The following TRAPPC9 variants were observed in gnomAD, a reference collection of about 807,000 sequenced individuals.
The protein encoded by TRAPPC9 is trafficking protein particle complex subunit 9.
Under a neutral mutation model 124.0 loss-of-function variants are expected in TRAPPC9, and 83 were observed. That is an observed-to-expected ratio of 0.67 (90% CI 0.56 to 0.80). The LOEUF (loss-of-function observed/expected upper bound fraction) is 0.80. Among genes scored for constraint, TRAPPC9 ranks in the 30% least tolerant of loss-of-function variants. The pLI is 0.00. For synonymous variants in TRAPPC9, 638 were observed against 617.5 expected (o/e 1.03, Z -0.49); for missense variants, 1,302 against 1,508.3 (o/e 0.86, Z 2.27).
intron 17 of TRAPPC9, among the ~76,000 whole-genome samples, chr8:140,048,443 T>G (rs1453163501): frequency 6.6e-6 from 1 of 152,000 alleles, no homozygotes; most frequent in Non-Finnish European, 1.5e-5. Context: ...GGGCAACATT[T>G]CTGGACAATA....
intron 21 of TRAPPC9, among the ~76,000 whole-genome samples, chr8:139,841,656 G>C (rs1489184299): frequency 6.6e-6 from 1 of 152,234 alleles, no homozygotes; most frequent in Non-Finnish European, 1.5e-5. Context: ...GCACCTCATG[G>C]ATGCAGGAGC....
intron 7 of TRAPPC9, among the ~76,000 whole-genome samples, chr8:140,375,257 T>C (rs906241888): frequency 6.6e-6 from 1 of 152,226 alleles, no homozygotes; most frequent in South Asian, 2.1e-4. Context: ...ATCTTTGTTC[T>C]AATCTTTCAA....
At chr8:140,089,015 C>T (rs1844393657) in intron 17 of TRAPPC9, among the ~76,000 whole-genome samples, 1 of 152,086 alleles carries the variant, frequency 6.6e-6, no homozygotes, top group Admixed American at 6.6e-5. Flanking sequence ...TTCTCTAGAC[C>T]CTTCTGCTGT....
intron 17 of TRAPPC9, among the ~76,000 whole-genome samples, chr8:140,165,755 A>G (rs980060161): frequency 2.6e-5 from 4 of 152,136 alleles, no homozygotes; most frequent in African/African-American, 9.7e-5. Context: ...TCTGCAAGGC[A>G]GGAGCAGAGC....
At chr8:139,849,464 T>G (rs2130923588) in intron 21 of TRAPPC9, among the ~76,000 whole-genome samples, 1 of 152,352 alleles carries the variant, frequency 6.6e-6, no homozygotes, top group African/African-American at 2.4e-5. Flanking sequence ...CTCCTTCTGG[T>G]TCTGCATTTT....
chr8:139,950,912 G>A (rs1442266036), intron 19 of TRAPPC9, among the ~76,000 whole-genome samples: 1 of 152,190 alleles, frequency 6.6e-6, no homozygotes, highest in Admixed American at 6.5e-5. Context: ...GCGGCAGGGA[G>A]GGAGCCGCAC....
At position 140,442,400 on chromosome 8, in the gene TRAPPC9, C is replaced by G. The variant is rs563330602; in HGVS notation, c.585-3203G>C. 9.9e-5 allele frequency among the ~76,000 whole-genome samples: 15 copies of G among 151,878 alleles called. No homozygotes were observed. The South Asian group carries it at 3.1e-3, about 32-fold the overall frequency. ...GGATCACAAGGTCAGGAGATTGAGA[C>G]CATCCTGGCTAACACGGCAAAACCC... On this transcript the variant is annotated intron_variant, in intron 2 of 22. Coordinates refer to ENST00000438773, the MANE Select transcript of TRAPPC9 (RefSeq NM_001160372.4).
At chr8:140,299,869 T>C (rs1023831737) in intron 11 of TRAPPC9, among the ~76,000 whole-genome samples, 2 of 152,156 alleles carry the variant, frequency 1.3e-5, no homozygotes, top group African/African-American at 4.8e-5. Flanking sequence ...ACTATCCTGA[T>C]CACCTGTGTT....
intron 21 of TRAPPC9, among the ~76,000 whole-genome samples, chr8:139,798,585 C>A (rs192691549): frequency 1.1e-3 from 171 of 152,210 alleles, no homozygotes; most frequent in African/African-American, 4.1e-3. Flanking sequence ...AGGGTGTGGC[C>A]CAAGGTGTGG....
At chr8:140,345,417 C>T (rs769881297) in intron 9 of TRAPPC9, among the ~76,000 whole-genome samples, 9 of 152,176 alleles carry the variant, frequency 5.9e-5, no homozygotes, top group Non-Finnish European at 1.2e-4. Flanking sequence ...GAAGTAGCAA[C>T]GGAAAATGAT....
At chr8:139,926,615 A>AAG (rs1554674042) in intron 19 of TRAPPC9, among the ~76,000 whole-genome samples, 1 of 151,612 alleles carries the variant, frequency 6.6e-6, no homozygotes, top group South Asian at 2.1e-4. Context: ...AATAAAAAAA[A>AAG]AAAAAAAACT....
intron 6 of TRAPPC9, among the ~76,000 whole-genome samples, chr8:140,398,965 C>T (rs1396007509): frequency 6.6e-6 from 1 of 152,258 alleles, no homozygotes; most frequent in African/African-American, 2.4e-5. Flanking sequence ...AGCCTAGCGA[C>T]TTGGTGCCTG....
chr8:140,174,944 C>T (rs986823302), intron 17 of TRAPPC9, among the ~76,000 whole-genome samples: 4 of 150,950 alleles, frequency 2.6e-5, no homozygotes, highest in Non-Finnish European at 2.9e-5. Context: ...AATGTGGGCT[C>T]ATATGATAAC....
intron 18 of TRAPPC9, among the ~76,000 whole-genome samples, chr8:140,008,845 A>C (rs1014385750): frequency 3.9e-5 from 6 of 152,252 alleles, no homozygotes; most frequent in Admixed American, 1.3e-4. Flanking sequence ...TTTATTTTCT[A>C]AATATCCCAG....
In TRAPPC9 at chr8:139,730,943, G is replaced by A; in HGVS notation, c.*118C>T. The stretch of plus-strand genomic sequence containing the variant: ...GAACAGGAGGAGAGGGCTGGGAGGG[G>A]TCTGGGGGAGGAGGAGGAGATGGGG... On this transcript the variant is annotated 3_prime_UTR_variant, in exon 23 of 23. Transcript: ENST00000438773. The A allele has an allele frequency of 1.7e-6, 2 of 1,166,028 alleles. No homozygotes were observed. The highest frequency in any genetic ancestry group is 2.4e-6 in the Non-Finnish European group (2 of 825,306). The allele number at this position is 1,166,028 out of a possible 1,614,324, so 72.2% of individuals were successfully genotyped here.
intron 19 of TRAPPC9, among the ~76,000 whole-genome samples, chr8:139,975,927 C>CTTTTTTTTTTTTT (rs528679775): frequency 1.0e-5 from 1 of 95,566 alleles, no homozygotes; most frequent in Non-Finnish European, 2.0e-5. Context: ...AAAGGACAGT[C>CTTTTTTTTTTTTT]TTTTTTTTTT....
chr8:139,897,478 T>C (rs1830734839), intron 20 of TRAPPC9, among the ~76,000 whole-genome samples: 1 of 152,242 alleles, frequency 6.6e-6, no homozygotes, highest in Admixed American at 6.5e-5. Flanking sequence ...TTCAGAGGAC[T>C]GCTTGTGGTT....
In TRAPPC9 at chr8:139,801,995, G is replaced by A. The variant is rs562386681; in HGVS notation, c.3056-69793C>T. ...TCCAGAAAATCTTCCCCACCCAGGT[G>A]CTCTTAGCAGAGCTCACTCAAGGTG... On this transcript the variant is annotated intron_variant, in intron 21 of 22. Coordinates refer to ENST00000438773, the MANE Select transcript of TRAPPC9 (RefSeq NM_001160372.4). 1.6e-4 allele frequency among the ~76,000 whole-genome samples: 25 copies of A among 152,304 alleles called. 1 individual carries two copies. In the South Asian group the frequency reaches 3.1e-3, roughly 19 times the overall value.
intron 10 of TRAPPC9, among the ~76,000 whole-genome samples, chr8:140,303,053 G>A (rs1005278049): frequency 3.3e-5 from 5 of 152,150 alleles, no homozygotes; most frequent in Admixed American, 2.0e-4. Context: ...CTGGGAGTCC[G>A]AAGCACGACC....
Sources: gnomAD v4.1 joint callset for allele counts (sites outside exome capture counted in the v4.1 genomes callset) on GRCh38, gnomAD v4.1.1 for gene constraint, MANE v1.5 for transcripts, NCBI Gene and HGNC (gene_info 2026-07-23, HGNC 2026-07-21) for gene names.